GPC5: variants seen among roughly 807,000 people sequenced by gnomAD.
GPC5 encodes glypican-5.
Under a neutral mutation model 53.9 loss-of-function variants are expected in GPC5, and 47 were observed. That is an observed-to-expected ratio of 0.87 (90% CI 0.69 to 1.11). The LOEUF (loss-of-function observed/expected upper bound fraction) is 1.11, where lower values mean the gene tolerates loss of function less well. GPC5 is among the 50% of genes most tolerant of loss of function. GPC5 has a pLI of 0.00. For missense variants in GPC5, 748 were observed against 713.1 expected, an observed-to-expected ratio of 1.05 and a Z score of -0.56; for synonymous variants, 286 against 263.3, an observed-to-expected ratio of 1.09 and a Z score of -0.84.
At chr13:92,410,186 G>T (rs907066710) in intron 7 of GPC5, among the ~76,000 whole-genome samples, 5 of 152,104 alleles carry the variant, frequency 3.3e-5, no homozygotes, top group African/African-American at 1.2e-4. Context: ...CAATGTAGAG[G>T]GTTTCTGTAT....
intron 7 of GPC5, among the ~76,000 whole-genome samples, chr13:92,789,294 G>T (rs961628335): frequency 6.6e-6 from 1 of 152,110 alleles, no homozygotes; most frequent in Non-Finnish European, 1.5e-5. Context: ...TTATGCACAA[G>T]TCATGTTTTC....
chr13:91,741,182 T>C (rs1381467214), intron 4 of GPC5, among the ~76,000 whole-genome samples: 1 of 152,172 alleles, frequency 6.6e-6, no homozygotes, highest in East Asian at 1.9e-4. Flanking sequence ...TTTAGAAATA[T>C]TGGATTTTTT....
intron 7 of GPC5, among the ~76,000 whole-genome samples, chr13:92,606,252 G>C (rs917462472): frequency 4.0e-5 from 6 of 151,896 alleles, no homozygotes; most frequent in East Asian, 3.9e-4. Flanking sequence ...CCAACTCCAC[G>C]ACAGGCCCCG....
At chr13:92,277,121 C>T (rs2042881472) in intron 7 of GPC5, among the ~76,000 whole-genome samples, 1 of 151,542 alleles carries the variant, frequency 6.6e-6, no homozygotes, top group Non-Finnish European at 1.5e-5. Context: ...TATTTCTTAC[C>T]ATTATTATTA....
chr13:91,800,966 T>C (rs548744835), intron 5 of GPC5, among the ~76,000 whole-genome samples: 25 of 152,158 alleles, frequency 1.6e-4, no homozygotes, highest in African/African-American at 5.8e-4. Context: ...AAAATCACAT[T>C]AACTTTTTAT....
At chr13:92,023,197 T>A (rs556335046) in intron 6 of GPC5, among the ~76,000 whole-genome samples, 1 of 152,262 alleles carries the variant, frequency 6.6e-6, no homozygotes, top group Non-Finnish European at 1.5e-5. Flanking sequence ...TTCCTCTATT[T>A]ACTTGAGACT....
chr13:92,265,662 G>A (rs2042797642), intron 7 of GPC5, among the ~76,000 whole-genome samples: 1 of 152,044 alleles, frequency 6.6e-6, no homozygotes, highest in Non-Finnish European at 1.5e-5. Flanking sequence ...GAGGCTTTTT[G>A]CAGCCTGCTT....
chr13:91,857,658 T>G (rs2038981319), intron 5 of GPC5, among the ~76,000 whole-genome samples: 1 of 151,156 alleles, frequency 6.6e-6, no homozygotes, highest in Non-Finnish European at 1.5e-5. Context: ...ACATTAAATA[T>G]AAGTTACAAG....
In GPC5 at chr13:91,829,575, A is replaced by G. The variant is rs1259940234; in HGVS notation, c.1280+73155A>G. The stretch of plus-strand genomic sequence containing the variant: ...GAGAAAGAATGAGTAAATAGAGCAA[A>G]ATGTAAATAATTAGTTTATCTTGGT... On this transcript the variant is annotated intron_variant, in intron 5 of 7. Transcript: ENST00000377067. Among the ~76,000 whole-genome samples, 6 of 152,152 alleles carry G rather than the reference A, an allele frequency of 3.9e-5. No individual in the cohort carries two copies. In the East Asian group the frequency reaches 1.2e-3, roughly 29 times the overall value.
At chr13:92,547,237 G>A (rs976780563) in intron 7 of GPC5, among the ~76,000 whole-genome samples, 2 of 152,086 alleles carry the variant, frequency 1.3e-5, no homozygotes, top group East Asian at 3.8e-4. Context: ...TTTTAAAAAA[G>A]AGAATTGAAA....
intron 6 of GPC5, among the ~76,000 whole-genome samples, chr13:92,059,624 A>G (rs985827294): frequency 6.6e-6 from 1 of 151,952 alleles, no homozygotes; most frequent in Admixed American, 6.6e-5. Context: ...TGACGGTAGG[A>G]TAGTTTTCCT....
At chr13:91,802,191 T>C (rs2038146895) in intron 5 of GPC5, among the ~76,000 whole-genome samples, 1 of 152,084 alleles carries the variant, frequency 6.6e-6, no homozygotes, top group South Asian at 2.1e-4. Flanking sequence ...TTCTCAAAGA[T>C]GGTGTGTCCA....
intron 7 of GPC5, among the ~76,000 whole-genome samples, chr13:92,353,814 T>G (rs552210009): frequency 3.4e-4 from 52 of 152,296 alleles, no homozygotes; most frequent in African/African-American, 1.3e-3. Context: ...TAATAAATGA[T>G]TCTCTATTCT....
intron 7 of GPC5, among the ~76,000 whole-genome samples, chr13:92,564,754 C>T (rs905511862): frequency 2.6e-5 from 4 of 151,946 alleles, no homozygotes; most frequent in African/African-American, 7.2e-5. Context: ...TAGCTCACAT[C>T]GGCAGGTAAG....
chr13:91,886,637 G>A lies in GPC5; in HGVS notation c.1281-21300G>A, dbSNP rs147509293. Among the ~76,000 whole-genome samples, 637 of 152,296 alleles carry A rather than the reference G, an allele frequency of 4.2e-3. 3 individuals are homozygous for A. The highest frequency in any genetic ancestry group is 0.015 in the African/African-American group (603 of 41,570). On this transcript the variant is annotated intron_variant, in intron 5 of 7. Transcript: ENST00000377067. Reference sequence around the variant, plus strand: ...GGTTACAGGCATTGGGTACTCCCAAGGTATTTACGCCTGTTCCAAATGGGA... The same window carrying A: ...GGTTACAGGCATTGGGTACTCCCAAAGTATTTACGCCTGTTCCAAATGGGA...
chr13:92,062,287 T>C lies in GPC5; in HGVS notation c.1402-82543T>C, dbSNP rs543800138. The stretch of plus-strand genomic sequence containing the variant: ...ATAAAAGACATATTAATATACTTTA[T>C]ATAAATTATTTAGATTGCTTCCTAA... On this transcript the variant is annotated intron_variant, in intron 6 of 7. Transcript: ENST00000377067. 1.4e-4 allele frequency among the ~76,000 whole-genome samples: 22 copies of C among 152,074 alleles called. No homozygotes were observed. The South Asian group carries it at 4.1e-3, about 29-fold the overall frequency.
At chr13:91,407,978 A>G (rs2138767630) in intron 1 of GPC5, among the ~76,000 whole-genome samples, 1 of 152,346 alleles carries the variant, frequency 6.6e-6, no homozygotes. Flanking sequence ...TTTGAAGCAC[A>G]GTACAGATGC....
intron 6 of GPC5, among the ~76,000 whole-genome samples, chr13:92,008,654 A>C (rs926494911): frequency 6.6e-6 from 1 of 152,176 alleles, no homozygotes. Flanking sequence ...CTGAGGAAGA[A>C]GCCGGCAGTA....
At chr13:92,251,091 A>C (rs1305471744) in intron 7 of GPC5, among the ~76,000 whole-genome samples, 1 of 152,266 alleles carries the variant, frequency 6.6e-6, no homozygotes, top group Non-Finnish European at 1.5e-5. Context: ...GCTGCTACAA[A>C]GTATCAATTA....
Sources: allele counts gnomAD v4.1 joint callset (sites outside exome capture counted in the v4.1 genomes callset), GRCh38; gene constraint gnomAD v4.1.1; transcripts MANE v1.5; gene names NCBI Gene and HGNC (gene_info 2026-07-23, HGNC 2026-07-21).